CAMK2D: variants seen among roughly 807,000 people sequenced by gnomAD.
CAMK2D encodes calcium/calmodulin-dependent protein kinase type II subunit delta.
Under a neutral mutation model 84.0 loss-of-function variants are expected in CAMK2D, and 37 were observed. That is an observed-to-expected ratio of 0.44 (90% CI 0.34 to 0.58). CAMK2D has a LOEUF of 0.58. Among genes scored for constraint, CAMK2D ranks in the 20% least tolerant of loss-of-function variants. The pLI, the probability that CAMK2D is intolerant of heterozygous loss-of-function variation, is 0.02. For synonymous variants in CAMK2D, 202 were observed against 212.5 expected (o/e 0.95, Z 0.43); for missense variants, 448 against 652.5 (o/e 0.69, Z 3.41).
intron 4 of CAMK2D, among the ~76,000 whole-genome samples, chr4:113,590,138 T>C (rs2214394): frequency 0.72 from 109,781 of 151,552 alleles, 40,031 homozygotes; most frequent in Middle Eastern, 0.78. Context: ...ATCTGTTGAA[T>C]GAATAAGTGA....
chr4:113,667,526 G>A (rs999838256), intron 2 of CAMK2D, among the ~76,000 whole-genome samples: 57 of 152,152 alleles, frequency 3.7e-4, no homozygotes, highest in African/African-American at 1.2e-3. Flanking sequence ...CACAGTGAAT[G>A]CATTTTTCTT....
chr4:113,753,895 A>C (rs1323645338), intron 2 of CAMK2D: 1 of 984,662 alleles, frequency 1.0e-6, no homozygotes, highest in African/African-American at 1.7e-5. Flanking sequence ...CTGGGCAGAA[A>C]TAATCTTGTC....
At chr4:113,621,310 G>A (rs1012678285) in intron 3 of CAMK2D, among the ~76,000 whole-genome samples, 3 of 151,996 alleles carry the variant, frequency 2.0e-5, no homozygotes, top group African/African-American at 7.3e-5. Flanking sequence ...TATGCCAGAT[G>A]AAATACTGTA....
intron 17 of CAMK2D, among the ~76,000 whole-genome samples, chr4:113,461,513 T>C (rs2097373064): frequency 6.6e-6 from 1 of 152,124 alleles, no homozygotes; most frequent in South Asian, 2.1e-4. Flanking sequence ...TGGGGAATGA[T>C]GACTGGTTGC....
intron 16 of CAMK2D, among the ~76,000 whole-genome samples, chr4:113,475,196 T>G (rs764779702): frequency 1.3e-5 from 2 of 152,214 alleles, no homozygotes; most frequent in African/African-American, 2.4e-5. Flanking sequence ...CCTGGGTAAA[T>G]TCATTTATAG....
At position 113,737,900 on chromosome 4, in the gene CAMK2D, G is replaced by C. The variant is rs545582888; in HGVS notation, c.160+21420C>G. 9.2e-5 allele frequency among the ~76,000 whole-genome samples: 14 copies of C among 151,604 alleles called. No individual in the cohort carries two copies. In the South Asian group the frequency reaches 2.9e-3, roughly 32 times the overall value. On this transcript the variant is annotated intron_variant, in intron 2 of 20. Coordinates refer to ENST00000511664, the MANE Select transcript of CAMK2D (RefSeq NM_001321571.2). The stretch of plus-strand genomic sequence containing the variant: ...GGAAAGAGTGAAGAGCTCTCATCTG[G>C]GTCAATGAATTTAGGCAAGGTCTAG...
chr4:113,746,383 T>C (rs954810730), intron 2 of CAMK2D, among the ~76,000 whole-genome samples: 1 of 150,718 alleles, frequency 6.6e-6, no homozygotes, highest in Non-Finnish European at 1.5e-5. Flanking sequence ...AAAAGTTATC[T>C]CAATGATCCT....
chr4:113,739,130 G>T (rs116618980), intron 2 of CAMK2D, among the ~76,000 whole-genome samples: 1,612 of 152,164 alleles, frequency 0.011, 13 homozygotes, highest in Non-Finnish European at 0.018. Flanking sequence ...TGCTGCAAAA[G>T]AACTGAAATT....
At chr4:113,668,607 T>C (rs1247191744) in intron 2 of CAMK2D, among the ~76,000 whole-genome samples, 1 of 152,142 alleles carries the variant, frequency 6.6e-6, no homozygotes, top group Non-Finnish European at 1.5e-5. Flanking sequence ...TATCCTATTA[T>C]AAAAATAACT....
At chr4:113,509,760 T>G in intron 12 of CAMK2D, 85 bp from the exon 13 acceptor site, 1 of 930,012 alleles carries the variant, frequency 1.1e-6, no homozygotes, top group Non-Finnish European at 1.8e-6. Flanking sequence ...TATTGTCTCC[T>G]TCTACCACCT....
intron 12 of CAMK2D, among the ~76,000 whole-genome samples, chr4:113,509,900 G>A (rs529481535): frequency 1.8e-4 from 27 of 152,164 alleles, no homozygotes; most frequent in Non-Finnish European, 3.2e-4. Flanking sequence ...AGAGTAGTTC[G>A]TTGCATACAA....
chr4:113,678,252 C>G (rs958503300), intron 2 of CAMK2D, among the ~76,000 whole-genome samples: 4 of 152,136 alleles, frequency 2.6e-5, no homozygotes, highest in Non-Finnish European at 5.9e-5. Flanking sequence ...AAAGGTGGAT[C>G]TGAGAGCTCT....
At chr4:113,467,950 A>ATTTT (rs11463763) in intron 16 of CAMK2D, among the ~76,000 whole-genome samples, 1 of 149,842 alleles carries the variant, frequency 6.7e-6, no homozygotes, top group Non-Finnish European at 1.5e-5. Context: ...AAACTAACAG[A>ATTTT]TTTTTTTTTT....
chr4:113,575,307 C>T (rs1259719950), intron 4 of CAMK2D, among the ~76,000 whole-genome samples: 1 of 152,108 alleles, frequency 6.6e-6, no homozygotes, highest in Non-Finnish European at 1.5e-5. Flanking sequence ...ATTAAAGAAA[C>T]ACCTCATTCA....
intron 2 of CAMK2D, among the ~76,000 whole-genome samples, chr4:113,758,641 G>A (rs2099633983): frequency 6.6e-6 from 1 of 152,130 alleles, no homozygotes; most frequent in Non-Finnish European, 1.5e-5. Flanking sequence ...TAAATAAAAA[G>A]AATGCAGTGA....
At chr4:113,506,903 ACACACACACCTACACACATT>A (rs914093696) in intron 13 of CAMK2D, among the ~76,000 whole-genome samples, 1 of 147,190 alleles carries the variant, frequency 6.8e-6, no homozygotes, top group Non-Finnish European at 1.5e-5. Context: ...CCCCCCCCAC[ACACACACACCTACACACATT>A]CACACACAGA....
At chr4:113,719,374 T>C (rs2099523358) in intron 2 of CAMK2D, among the ~76,000 whole-genome samples, 1 of 152,182 alleles carries the variant, frequency 6.6e-6, no homozygotes, top group African/African-American at 2.4e-5. Flanking sequence ...ATTAACCAAT[T>C]TGCTTTTCAT....
In CAMK2D at chr4:113,741,991, G is replaced by A. The variant is rs530362578; in HGVS notation, c.160+17329C>T. On this transcript the variant is annotated intron_variant, in intron 2 of 20. Coordinates refer to ENST00000511664, the MANE Select transcript of CAMK2D (RefSeq NM_001321571.2). ...CTCTATCTAAAGTAACTCCAATGAG[G>A]TCATTATCTAATTTATAGCCCTGCT... is the stretch of plus-strand genomic sequence containing the variant. Among the ~76,000 whole-genome samples, 3 of 152,222 alleles carry A rather than the reference G, an allele frequency of 2.0e-5. No individual in the cohort carries two copies. In the South Asian group the frequency reaches 6.2e-4, roughly 32 times the overall value.
intron 4 of CAMK2D, among the ~76,000 whole-genome samples, chr4:113,601,707 T>C (rs944338778): frequency 2.8e-5 from 4 of 141,934 alleles, no homozygotes; most frequent in African/African-American, 1.0e-4. Flanking sequence ...TTTTTTTTTT[T>C]TTTCATTTTT....
Sources: gnomAD v4.1 joint callset for allele counts (sites outside exome capture counted in the v4.1 genomes callset) on GRCh38, gnomAD v4.1.1 for gene constraint, MANE v1.5 for transcripts, NCBI Gene and HGNC (gene_info 2026-07-23, HGNC 2026-07-21) for gene names.